The following NEGR1 variants were observed in gnomAD, a reference collection of about 807,000 sequenced individuals.
NEGR1 encodes neuronal growth regulator 1.
A neutral mutation model predicts 40.9 loss-of-function variants in NEGR1; 10 were observed. The ratio of observed to expected loss-of-function variants is 0.24; its 90% CI spans 0.15 to 0.42. The LOEUF (loss-of-function observed/expected upper bound fraction) is 0.42, where lower values mean the gene tolerates loss of function less well. NEGR1 is among the 10% of genes least tolerant of loss of function. NEGR1 has a pLI of 1.00. For synonymous variants in NEGR1, 185 were observed against 166.8 expected, an observed-to-expected ratio of 1.11 and a Z score of -0.84; for missense variants, 352 against 438.9, an observed-to-expected ratio of 0.80 and a Z score of 1.77.
intron 3 of NEGR1, among the ~76,000 whole-genome samples, chr1:71,739,223 A>C (rs1372977006): frequency 2.6e-5 from 4 of 151,056 alleles, no homozygotes; most frequent in South Asian, 2.1e-4. Flanking sequence ...AAAAACAAAA[A>C]AAAAAAACGT....
chr1:71,431,920 T>C (rs1230190849), intron 6 of NEGR1, among the ~76,000 whole-genome samples: 4 of 152,022 alleles, frequency 2.6e-5, no homozygotes, highest in Admixed American at 6.5e-5. Flanking sequence ...GAAACTGAAA[T>C]TGTGGTAGGC....
rs113866254 is a variant in NEGR1 at position 72,051,001 on chromosome 1, C to T, written c.177-115690G>A. Reference sequence around the variant, plus strand: ...TTGAACCTAAGTAATTCTTTTTTTCCTATTCCCCCAATAAGCTAAACTTCG... The same window carrying T: ...TTGAACCTAAGTAATTCTTTTTTTCTTATTCCCCCAATAAGCTAAACTTCG... On this transcript the variant is annotated intron_variant, in intron 1 of 6. Transcript: ENST00000357731. Among the ~76,000 whole-genome samples the T allele has an allele frequency of 3.2e-3, 491 of 151,482 alleles. 3 individuals are homozygous for T. Among genetic ancestry groups the T allele is most frequent in the African/African-American group, 0.011 (471 of 41,446 alleles).
At chr1:71,530,335 C>A (rs1647314501) in intron 6 of NEGR1, among the ~76,000 whole-genome samples, 1 of 151,306 alleles carries the variant, frequency 6.6e-6, no homozygotes, top group African/African-American at 2.4e-5. Flanking sequence ...TATTTTCCCA[C>A]CTGCCTTTAT....
chr1:71,776,128 G>GA, intron 3 of NEGR1, 44 bp downstream of exon 3: 1 of 1,490,924 alleles, frequency 6.7e-7, no homozygotes, highest in Non-Finnish European at 9.0e-7. Flanking sequence ...GGTTACAGGA[G>GA]AAAAATGAAC....
At chr1:72,091,394 CCCTCCCTT>C (rs1448243275) in intron 1 of NEGR1, among the ~76,000 whole-genome samples, 6 of 135,018 alleles carry the variant, frequency 4.4e-5, no homozygotes, top group Non-Finnish European at 8.0e-5. Flanking sequence ...TTTCCTCCCT[CCCTCCCTT>C]CCTCCCTTCC....
At chr1:72,240,546 C>T (rs1470064886) in intron 1 of NEGR1, among the ~76,000 whole-genome samples, 1 of 151,786 alleles carries the variant, frequency 6.6e-6, no homozygotes, top group Non-Finnish European at 1.5e-5. Context: ...CTTGGCTACA[C>T]CAGTATGACC....
intron 2 of NEGR1, among the ~76,000 whole-genome samples, chr1:71,840,000 T>C (rs1484687111): frequency 6.6e-6 from 1 of 152,180 alleles, no homozygotes; most frequent in Non-Finnish European, 1.5e-5. Flanking sequence ...CAGGTGACGA[T>C]GTAAAATAGA....
At chr1:71,677,733 T>C (rs1353881489) in intron 4 of NEGR1, among the ~76,000 whole-genome samples, 1 of 152,190 alleles carries the variant, frequency 6.6e-6, no homozygotes, top group Non-Finnish European at 1.5e-5. Flanking sequence ...GGTTTAGTAA[T>C]GTCCTTAAAC....
chr1:71,698,271 CT>C, intron 3 of NEGR1, 132 bp from the exon 4 acceptor site: 1 of 781,712 alleles, frequency 1.3e-6, no homozygotes, highest in Middle Eastern at 3.6e-4. Flanking sequence ...ATTATTAAAC[CT>C]TTTGTTCTTC....
At chr1:72,236,784 T>C (rs1441989779) in intron 1 of NEGR1, among the ~76,000 whole-genome samples, 1 of 152,026 alleles carries the variant, frequency 6.6e-6, no homozygotes, top group Non-Finnish European at 1.5e-5. Flanking sequence ...TCATTTTTCC[T>C]GTAGTTTACA....
At chr1:72,040,152 T>C (rs1646938929) in intron 1 of NEGR1, among the ~76,000 whole-genome samples, 2 of 151,988 alleles carry the variant, frequency 1.3e-5, no homozygotes, top group Non-Finnish European at 2.9e-5. Flanking sequence ...CTAGTATGTA[T>C]TACAATTCTC....
At chr1:72,060,889 AT>A (rs34195221) in intron 1 of NEGR1, among the ~76,000 whole-genome samples, 12 of 151,002 alleles carry the variant, frequency 7.9e-5, no homozygotes, top group South Asian at 4.2e-4. Flanking sequence ...TTAGAGGTAG[AT>A]TTTTTTTTCC....
chr1:72,075,832 C>T (rs1003301676), intron 1 of NEGR1, among the ~76,000 whole-genome samples: 1 of 152,078 alleles, frequency 6.6e-6, no homozygotes, highest in African/African-American at 2.4e-5. Flanking sequence ...GCATCAGTTC[C>T]GTTCCTGATA....
At position 71,794,263 on chromosome 1, in the gene NEGR1, A is replaced by G. The variant is rs182671409; in HGVS notation, c.410-17966T>C. On this transcript the variant is annotated intron_variant, in intron 2 of 6. Coordinates refer to ENST00000357731, the MANE Select transcript of NEGR1 (RefSeq NM_173808.3). ...TAAATTCCATTTTATTTACAGAATTAAAAAATTCATCCTATCACTCATATT... is the reference window on the plus strand; with the variant it reads ...TAAATTCCATTTTATTTACAGAATTGAAAAATTCATCCTATCACTCATATT... 2.6e-5 allele frequency: 4 copies of G among 152,266 alleles called. No homozygotes were observed. The East Asian group carries it at 5.8e-4, about 22-fold the overall frequency. 9.4% of individuals were successfully genotyped at this position (152,266 alleles called of 1,614,324 possible).
rs563770117 is a variant in NEGR1, at chr1:72,260,311, T to C, written c.176+22008A>G. ...GCCAAAATCAGGATTTTATTCTCTA[T>C]TGATAAGCCCAATTTTTACAAAGGA... On this transcript the variant is annotated intron_variant, in intron 1 of 6. Coordinates refer to ENST00000357731, the MANE Select transcript of NEGR1 (RefSeq NM_173808.3). Among the ~76,000 whole-genome samples the C allele has an allele frequency of 1.1e-4, 16 of 152,226 alleles. 1 individual carries two copies. In the South Asian group the frequency reaches 2.7e-3, roughly 26 times the overall value.
chr1:72,248,748 A>G (rs1015931069), intron 1 of NEGR1, among the ~76,000 whole-genome samples: 1 of 150,362 alleles, frequency 6.7e-6, no homozygotes, highest in Middle Eastern at 3.3e-3. Flanking sequence ...ACACCTGGCT[A>G]ATTTTTCTAT....
intron 5 of NEGR1, among the ~76,000 whole-genome samples, chr1:71,595,452 G>A (rs1649664665): frequency 6.6e-6 from 1 of 152,184 alleles, no homozygotes; most frequent in African/African-American, 2.4e-5. Context: ...GCTGGAAGAA[G>A]GACTTTGCAA....
chr1:71,952,682 C>T (rs2554408), intron 1 of NEGR1, among the ~76,000 whole-genome samples: 5,557 of 151,918 alleles, frequency 0.037, 341 homozygotes, highest in African/African-American at 0.13. Context: ...GAAGGTGCCA[C>T]CTAGGACTTT....
At chr1:71,647,414 A>T (rs530190240) in intron 4 of NEGR1, among the ~76,000 whole-genome samples, 1 of 152,102 alleles carries the variant, frequency 6.6e-6, no homozygotes, top group African/African-American at 2.4e-5. Flanking sequence ...TAAAGAAGGA[A>T]AGCACTATGT....
Sources: gnomAD v4.1 joint callset for allele counts (sites outside exome capture counted in the v4.1 genomes callset) on GRCh38, gnomAD v4.1.1 for gene constraint, MANE v1.5 for transcripts, NCBI Gene and HGNC (gene_info 2026-07-23, HGNC 2026-07-21) for gene names.